The following PLPPR1 variants were observed in gnomAD, a reference collection of about 807,000 sequenced individuals.
PLPPR1 encodes phospholipid phosphatase-related protein type 1.
Under a neutral mutation model 33.1 loss-of-function variants are expected in PLPPR1, and 10 were observed. The ratio of observed to expected loss-of-function variants is 0.30; its 90% confidence interval spans 0.19 to 0.51. The LOEUF is 0.51. Among genes scored for constraint, PLPPR1 ranks in the 20% least tolerant of loss-of-function variants. The probability of loss-of-function intolerance (pLI) is 0.97; values close to 1 mark genes in which losing one functional copy is unlikely to be tolerated. For missense variants in PLPPR1, 304 were observed against 408.1 expected, an observed-to-expected ratio of 0.74 and a Z score of 2.20; for synonymous variants, 151 against 151.0, an observed-to-expected ratio of 1.00 and a Z score of 0.00.
intron 1 of PLPPR1, among the ~76,000 whole-genome samples, chr9:101,155,296 G>C (rs940459837): frequency 6.6e-6 from 1 of 152,150 alleles, no homozygotes; most frequent in Non-Finnish European, 1.5e-5. Context: ...AACAATACCA[G>C]AGAGTGGGTA....
intron 1 of PLPPR1, among the ~76,000 whole-genome samples, chr9:101,146,410 A>G (rs1021165977): frequency 6.6e-6 from 1 of 152,212 alleles, no homozygotes; most frequent in Non-Finnish European, 1.5e-5. Flanking sequence ...CATGTAGTGG[A>G]AAGTATAGGT....
At chr9:101,257,512 G>C (rs532856428) in intron 2 of PLPPR1, among the ~76,000 whole-genome samples, 1 of 152,228 alleles carries the variant, frequency 6.6e-6, no homozygotes, top group African/African-American at 2.4e-5. Flanking sequence ...CACACCTCAT[G>C]CCAGAAGGGC....
chr9:101,064,706 A>G (rs556967151), intron 1 of PLPPR1, among the ~76,000 whole-genome samples: 1 of 152,142 alleles, frequency 6.6e-6, no homozygotes, highest in Admixed American at 6.5e-5. Flanking sequence ...GAGACTGAGT[A>G]ATTTATAAAA....
At chr9:101,171,238 G>A (rs925674103) in intron 1 of PLPPR1, among the ~76,000 whole-genome samples, 2 of 152,136 alleles carry the variant, frequency 1.3e-5, no homozygotes, top group African/African-American at 2.4e-5. Flanking sequence ...CCAGATTTAA[G>A]CCATAGGAAC....
At chr9:101,038,652 A>T (rs1430209063) in intron 1 of PLPPR1, among the ~76,000 whole-genome samples, 2 of 152,172 alleles carry the variant, frequency 1.3e-5, no homozygotes, top group East Asian at 3.9e-4. Flanking sequence ...ATTTCATTAC[A>T]CTTGACTGCA....
chr9:101,169,774 A>G (rs1009942188), intron 1 of PLPPR1, among the ~76,000 whole-genome samples: 3 of 152,146 alleles, frequency 2.0e-5, no homozygotes, highest in African/African-American at 7.2e-5. Flanking sequence ...CAGAGGTAGA[A>G]TTCAATAGAA....
In PLPPR1 at chr9:101,223,162, AAAAAAAAAAAG is replaced by A. The variant is rs1272555566; in HGVS notation, c.63+37610_63+37620del. Reference sequence around the variant, plus strand: ...ACCCATCTCTACAAAAAAAAAAAAAAAAAAAAAAAAGAAAAGAAAAATTTTTAGCTGGGCAC... The same window carrying A: ...ACCCATCTCTACAAAAAAAAAAAAAAAAAAGAAAAATTTTTAGCTGGGCAC... On this transcript the variant is annotated intron_variant, in intron 2 of 7. Coordinates refer to ENST00000374874, the MANE Select transcript of PLPPR1 (RefSeq NM_207299.2). Among the ~76,000 whole-genome samples the A allele has an allele frequency of 7.5e-4, 100 of 133,646 alleles. 1 individual carries two copies. The highest frequency in any genetic ancestry group is 2.7e-3 in the African/African-American group (94 of 35,196). The allele number at this position is 133,646 out of a possible 152,430, so 87.7% of individuals were successfully genotyped here.
rs141862739 is a variant in PLPPR1, at chr9:101,209,763, T to C, written c.63+24206T>C. Among the ~76,000 whole-genome samples the C allele has an allele frequency of 5.1e-4, 78 of 152,322 alleles. 2 individuals carry two copies. In the East Asian group the frequency reaches 0.014, roughly 27 times the overall value. On this transcript the variant is annotated intron_variant, in intron 2 of 7. Transcript: ENST00000374874. ...TTTGTTCATTTTTCAGCTACTGAGGTAGTCACTCTAACGAATTACTGCAAA... is the reference window on the plus strand; with the variant it reads ...TTTGTTCATTTTTCAGCTACTGAGGCAGTCACTCTAACGAATTACTGCAAA...
chr9:101,282,704 T>C (rs1828325747), intron 3 of PLPPR1, among the ~76,000 whole-genome samples: 2 of 152,190 alleles, frequency 1.3e-5, no homozygotes, highest in Non-Finnish European at 2.9e-5. Context: ...TTCAGTAAAG[T>C]TGCAGGATAT....
intron 2 of PLPPR1, among the ~76,000 whole-genome samples, chr9:101,220,785 T>C (rs1826916397): frequency 6.6e-6 from 1 of 152,246 alleles, no homozygotes; most frequent in African/African-American, 2.4e-5. Context: ...TGCCCATCTC[T>C]GAACCAACGG....
At chr9:101,167,292 C>T (rs1825876558) in intron 1 of PLPPR1, among the ~76,000 whole-genome samples, 2 of 149,026 alleles carry the variant, frequency 1.3e-5, no homozygotes, top group Admixed American at 6.6e-5. Flanking sequence ...GGCAGCTTAG[C>T]TTTAAATTGG....
chr9:101,205,955 C>G (rs1588071691), intron 2 of PLPPR1, among the ~76,000 whole-genome samples: 1 of 152,142 alleles, frequency 6.6e-6, no homozygotes, highest in Non-Finnish European at 1.5e-5. Flanking sequence ...AGGATATGAT[C>G]TATATCTCCT....
intron 1 of PLPPR1, among the ~76,000 whole-genome samples, chr9:101,116,967 T>C (rs1274044355): frequency 6.6e-6 from 1 of 152,192 alleles, no homozygotes; most frequent in African/African-American, 2.4e-5. Context: ...GGCTTCTCTC[T>C]ACCCTGAATA....
chr9:101,037,433 C>T (rs1830022637), intron 1 of PLPPR1, among the ~76,000 whole-genome samples: 1 of 152,076 alleles, frequency 6.6e-6, no homozygotes, highest in African/African-American at 2.4e-5. Context: ...GCATGGCTCT[C>T]TGTCGAGGGG....
Position 101,070,935 on chromosome 9 carries a change from A to C in PLPPR1, c.-46+41833A>C, listed in dbSNP as rs1830475914. Among the ~76,000 whole-genome samples the C allele has an allele frequency of 2.0e-5, 3 of 152,264 alleles. No homozygotes were observed. The South Asian group carries it at 6.2e-4, about 32-fold the overall frequency. On this transcript the variant is annotated intron_variant, in intron 1 of 7. Coordinates refer to ENST00000374874, the MANE Select transcript of PLPPR1 (RefSeq NM_207299.2). ...TTAAAATGAATTAATCAATTTACAA[A>C]AATTTGGGTTAGTTTATGCTTACTT... is the stretch of plus-strand genomic sequence containing the variant.
At chr9:101,137,228 A>C (rs1831387898) in intron 1 of PLPPR1, among the ~76,000 whole-genome samples, 1 of 152,206 alleles carries the variant, frequency 6.6e-6, no homozygotes. Flanking sequence ...ACTGAGGGGC[A>C]GTTCTGGAGA....
intron 1 of PLPPR1, among the ~76,000 whole-genome samples, chr9:101,096,353 A>G (rs1317098334): frequency 6.6e-6 from 1 of 152,200 alleles, no homozygotes; most frequent in Non-Finnish European, 1.5e-5. Flanking sequence ...ATTGGTTAGC[A>G]ATGCACACCT....
chr9:101,298,999 CA>C (rs1828697977), intron 4 of PLPPR1, among the ~76,000 whole-genome samples: 1 of 152,156 alleles, frequency 6.6e-6, no homozygotes, highest in Non-Finnish European at 1.5e-5. Context: ...AGGCCAGCTC[CA>C]TGTGCTGACC....
At chr9:101,036,659 C>G (rs1006073441) in intron 1 of PLPPR1, among the ~76,000 whole-genome samples, 2 of 140,782 alleles carry the variant, frequency 1.4e-5, no homozygotes, top group Non-Finnish European at 3.0e-5. Flanking sequence ...GGTAGAATGG[C>G]CAAGCTTGGA....
Sources: gnomAD v4.1 joint callset for allele counts (sites outside exome capture counted in the v4.1 genomes callset) on GRCh38, gnomAD v4.1.1 for gene constraint, MANE v1.5 for transcripts, NCBI Gene and HGNC (gene_info 2026-07-23, HGNC 2026-07-21) for gene names.